ANKRD44: variants seen among roughly 807,000 people sequenced by gnomAD.
ANKRD44 encodes the protein serine/threonine-protein phosphatase 6 regulatory ankyrin repeat subunit B.
ANKRD44 carries 35 observed loss-of-function variants against 116.0 expected under a neutral mutation model. The observed-to-expected ratio is 0.30, with a 90% CI of 0.23 to 0.40. ANKRD44 has a LOEUF of 0.40. Ranked by LOEUF, ANKRD44 falls within the 10% of genes least tolerant of loss-of-function variation. The probability of loss-of-function intolerance (pLI) is 1.00; values close to 1 mark genes in which losing one functional copy is unlikely to be tolerated. For missense variants in ANKRD44, 1,014 were observed against 1,242.6 expected (o/e 0.82, Z 2.77); for synonymous variants, 435 against 461.8 (o/e 0.94, Z 0.74).
At chr2:197,256,401 T>C (rs1426953402) in intron 1 of ANKRD44, among the ~76,000 whole-genome samples, 1 of 152,224 alleles carries the variant, frequency 6.6e-6, no homozygotes, top group African/African-American at 2.4e-5. Flanking sequence ...CTCCAAAATT[T>C]AGATGTTCTC....
chr2:197,018,817 T>C (rs896335472), intron 17 of ANKRD44, among the ~76,000 whole-genome samples: 6 of 152,354 alleles, frequency 3.9e-5, no homozygotes, highest in African/African-American at 1.4e-4. Flanking sequence ...GCAATTATTT[T>C]TTGAGGGTTT....
At chr2:197,246,732 G>A (rs111470832) in intron 1 of ANKRD44, among the ~76,000 whole-genome samples, 27 of 152,176 alleles carry the variant, frequency 1.8e-4, no homozygotes, top group African/African-American at 6.0e-4. Context: ...GTCACTACTC[G>A]GAGTGACGTT....
chr2:197,164,308 C>T (rs2080046942), intron 2 of ANKRD44, among the ~76,000 whole-genome samples: 1 of 152,220 alleles, frequency 6.6e-6, no homozygotes, highest in Admixed American at 6.5e-5. Flanking sequence ...TTCTTGACCC[C>T]TCTCTGGCAG....
intron 25 of ANKRD44, among the ~76,000 whole-genome samples, chr2:196,997,068 C>T (rs1039240261): frequency 3.3e-5 from 5 of 151,930 alleles, no homozygotes; most frequent in Non-Finnish European, 7.4e-5. Context: ...ATAAAAAATG[C>T]TACAAAATCC....
chr2:197,051,939 T>G (rs1427382791), intron 16 of ANKRD44, among the ~76,000 whole-genome samples: 2 of 152,188 alleles, frequency 1.3e-5, no homozygotes, highest in African/African-American at 4.8e-5. Flanking sequence ...GTACCAAGGT[T>G]GAGAAATCCT....
chr2:197,296,570 C>T (rs1301479585), intron 1 of ANKRD44: 2 of 152,170 alleles, frequency 1.3e-5, no homozygotes, highest in Non-Finnish European at 2.9e-5. Flanking sequence ...TAATTCCTTC[C>T]CTCTAAAAGA....
At chr2:197,192,704 A>G (rs1348987256) in intron 1 of ANKRD44, among the ~76,000 whole-genome samples, 5 of 152,212 alleles carry the variant, frequency 3.3e-5, no homozygotes, top group Non-Finnish European at 4.4e-5. Context: ...TGCTAACTGA[A>G]TTCATGTGAG....
chr2:197,239,717 C>A (rs6757826), intron 1 of ANKRD44, among the ~76,000 whole-genome samples: 1 of 152,238 alleles, frequency 6.6e-6, no homozygotes, highest in Non-Finnish European at 1.5e-5. Flanking sequence ...AACATTTACA[C>A]TGTCCCAAAG....
chr2:197,026,119 T>C (rs73049639), intron 16 of ANKRD44, among the ~76,000 whole-genome samples: 7,616 of 148,328 alleles, frequency 0.051, 441 homozygotes, highest in African/African-American at 0.15. Flanking sequence ...TCCTAATAAA[T>C]AGATGAGTGC....
chr2:197,249,200 G>A (rs931665941), intron 1 of ANKRD44, among the ~76,000 whole-genome samples: 1 of 152,176 alleles, frequency 6.6e-6, no homozygotes, highest in Admixed American at 6.5e-5. Context: ...TTGAGCCCAG[G>A]AATTCCAGGC....
chr2:197,303,672 G>T (rs907192292), intron 1 of ANKRD44, among the ~76,000 whole-genome samples: 4 of 152,070 alleles, frequency 2.6e-5, no homozygotes, highest in Non-Finnish European at 5.9e-5. Context: ...TGGGAGCAAG[G>T]GGACTCTAAG....
At chr2:197,224,310 A>T (rs1466477526) in intron 1 of ANKRD44, among the ~76,000 whole-genome samples, 1 of 152,226 alleles carries the variant, frequency 6.6e-6, no homozygotes, top group Non-Finnish European at 1.5e-5. Flanking sequence ...CTGTATCCAC[A>T]ATTGGCTTTT....
chr2:197,099,688 G>C (rs2078243898), intron 10 of ANKRD44, 128 bp downstream of exon 10: 3 of 1,340,058 alleles, frequency 2.2e-6, no homozygotes, highest in Non-Finnish European at 2.9e-6. Context: ...AATTTAATTT[G>C]TATTTAGTAT....
At chr2:197,240,295 A>G (rs2082062828) in intron 1 of ANKRD44, among the ~76,000 whole-genome samples, 1 of 149,168 alleles carries the variant, frequency 6.7e-6, no homozygotes, top group Non-Finnish European at 1.5e-5. Context: ...GAATCACTTG[A>G]GCCCAGGAGG....
intron 3 of ANKRD44, among the ~76,000 whole-genome samples, chr2:197,138,789 C>T (rs1230313683): frequency 6.6e-6 from 1 of 152,182 alleles, no homozygotes; most frequent in Non-Finnish European, 1.5e-5. Flanking sequence ...TCACAAACAT[C>T]ACTCAGACCA....
intron 1 of ANKRD44, among the ~76,000 whole-genome samples, chr2:197,228,684 T>C (rs1474054454): frequency 1.3e-5 from 2 of 152,190 alleles, no homozygotes; most frequent in African/African-American, 2.4e-5. Context: ...TCCAGCTGAT[T>C]AGCAGAATTA....
chr2:197,126,243 G>A (rs748237886), intron 4 of ANKRD44, among the ~76,000 whole-genome samples: 1 of 152,194 alleles, frequency 6.6e-6, no homozygotes, highest in Non-Finnish European at 1.5e-5. Context: ...TCTTTGTCAA[G>A]CCAAGAGCCC....
In ANKRD44 at chr2:197,099,807, G is replaced by A; in HGVS notation, c.1100+9C>T. The A allele has an allele frequency of 6.2e-7, 1 of 1,613,326 alleles. No individual in the cohort carries two copies. On this transcript the variant is annotated intron_variant, in intron 10 of 27. Transcript: ENST00000282272. Reference sequence around the variant, plus strand: ...GCAATTATTCCACCGTATTTTTGCGGTAACCTACTTGGCTGTGTCAGCTCC... The same window carrying A: ...GCAATTATTCCACCGTATTTTTGCGATAACCTACTTGGCTGTGTCAGCTCC...
intron 21 of ANKRD44, among the ~76,000 whole-genome samples, chr2:196,967,912 A>ACCCTCTCTCTCTCTCT (rs1553609860): frequency 7.1e-6 from 1 of 140,864 alleles, no homozygotes; most frequent in Non-Finnish European, 1.5e-5. Flanking sequence ...ATGGCTTGGC[A>ACCCTCTCTCTCTCTCT]CTCTCTCTCT....
Sources: gnomAD v4.1 joint callset for allele counts (sites outside exome capture counted in the v4.1 genomes callset) on GRCh38, gnomAD v4.1.1 for gene constraint, MANE v1.5 for transcripts, NCBI Gene and HGNC (gene_info 2026-07-23, HGNC 2026-07-21) for gene names.